Variants in NVL observed in about 807,000 individuals in gnomAD.
The protein encoded by NVL is nuclear VCP like.
In NVL, 84 loss-of-function variants were observed where a neutral mutation model predicts 110.2. The ratio of observed to expected loss-of-function variants is 0.76; its 90% CI spans 0.64 to 0.91. The LOEUF is 0.91. Ranked by LOEUF, NVL falls within the 40% of genes least tolerant of loss-of-function variation. The probability of loss-of-function intolerance (pLI) is 0.00; values close to 1 mark genes in which losing one functional copy is unlikely to be tolerated. For synonymous variants in NVL, 354 were observed against 361.1 expected, an observed-to-expected ratio of 0.98 and a Z score of 0.22; for missense variants, 882 against 1,035.9, an observed-to-expected ratio of 0.85 and a Z score of 2.04.
intron 22 of NVL, among the ~76,000 whole-genome samples, chr1:224,229,024 G>A (rs1659551422): frequency 6.6e-6 from 1 of 151,852 alleles, no homozygotes. Context: ...GGCCAGGCGT[G>A]GTGGCTCAGG....
At chr1:224,268,005 A>G (rs917085975) in intron 18 of NVL, 29 bp downstream of exon 18, 1 of 1,462,998 alleles carries the variant, frequency 6.8e-7, no homozygotes, top group Non-Finnish European at 9.5e-7. Flanking sequence ...TTTTAGATTC[A>G]TCTGTGTTAC....
chr1:224,273,047 A>AC (rs1360063318), intron 17 of NVL, among the ~76,000 whole-genome samples: 3,034 of 143,638 alleles, frequency 0.021, 144 homozygotes, highest in Admixed American at 0.064. Context: ...AAAAAACAAA[A>AC]AAAACAAACA....
At chr1:224,245,104 A>G (rs1182582649) in intron 19 of NVL, among the ~76,000 whole-genome samples, 4 of 152,202 alleles carry the variant, frequency 2.6e-5, no homozygotes, top group Non-Finnish European at 4.4e-5. Flanking sequence ...ATCTCCTTAT[A>G]ATATTTCAGA....
intron 2 of NVL, 57 bp from the exon 3 acceptor site, chr1:224,317,987 A>T: frequency 2.5e-6 from 3 of 1,189,630 alleles, no homozygotes; most frequent in Non-Finnish European, 3.6e-6. Flanking sequence ...TTTTTCCATT[A>T]AGTTCAATCT....
chr1:224,254,526 G>A (rs1367102700), intron 18 of NVL, among the ~76,000 whole-genome samples: 15 of 150,882 alleles, frequency 9.9e-5, no homozygotes, highest in South Asian at 6.3e-4. Context: ...CCAAGTAGCT[G>A]GGATTACAGG....
chr1:224,287,983 T>C lies in NVL; in HGVS notation c.1586A>G (p.Gln529Arg). The C allele has an allele frequency of 6.2e-7, 1 of 1,612,970 alleles. No individual in the cohort carries two copies. The highest frequency in any genetic ancestry group is 8.5e-7 in the Non-Finnish European group (1 of 1,179,820). The stretch of plus-strand genomic sequence containing the variant: ...GTCTCTTAGCAACCCCAGCAGCCTT[T>C]GTAATTCATCCTTGAAGGGAACAAT... ...EPTSETQDEL[Q>R]RLLGLLRDQD... The change falls in exon 14 of 23, where the codon CAA becomes CGA. Residue 529 changes from glutamine (Q) to arginine (R), a missense_variant. Physicochemically the swap from Gln to Arg is conservative, Grantham distance 43 (BLOSUM62 1). Around this residue, in one of 4 missense-constraint regions of NVL, gnomAD observed 416 missense variants for 499.3 expected, o/e 0.83. Transcript: ENST00000281701.
chr1:224,315,110 CAG>C (rs1669945067), intron 4 of NVL, among the ~76,000 whole-genome samples: 1 of 150,986 alleles, frequency 6.6e-6, no homozygotes, highest in Non-Finnish European at 1.5e-5. Context: ...GGCTGGAGTG[CAG>C]TGGCATAATT....
rs761611227 is a variant in NVL at position 224,264,244 on chromosome 1, AT to A, written c.2182+3789del. 4.9e-3 allele frequency among the ~76,000 whole-genome samples: 686 copies of A among 139,432 alleles called. 1 individual carries two copies. Among genetic ancestry groups the A allele is most frequent in the African/African-American group, 6.7e-3 (254 of 38,160 alleles). 91.5% of individuals were successfully genotyped at this position (139,432 alleles called of 152,430 possible). On this transcript the variant is annotated intron_variant, in intron 18 of 22. Transcript: ENST00000281701. ...AATTGTGAGCCAAATAAAAATGGTG[AT>A]TTTTTTTTTTTTTTGTGAGATGGAG... is the stretch of plus-strand genomic sequence containing the variant.
chr1:224,236,016 C>A (rs139868129), intron 20 of NVL, among the ~76,000 whole-genome samples: 24 of 152,056 alleles, frequency 1.6e-4, no homozygotes, highest in African/African-American at 5.1e-4. Flanking sequence ...CATTTCCTCC[C>A]TCTGTGTCCC....
At chr1:224,254,184 C>G (rs897721576) in intron 18 of NVL, among the ~76,000 whole-genome samples, 1 of 150,494 alleles carries the variant, frequency 6.6e-6, no homozygotes, top group East Asian at 2.0e-4. Flanking sequence ...CTCTGCCTCC[C>G]GGGTTCAAGT....
intron 10 of NVL, among the ~76,000 whole-genome samples, chr1:224,298,091 C>A (rs570716068): frequency 6.6e-6 from 1 of 151,504 alleles, no homozygotes; most frequent in Non-Finnish European, 1.5e-5. Context: ...GTAATCCCAG[C>A]TATTTGGGAG....
At chr1:224,290,527 C>T (rs1057202877) in intron 12 of NVL, among the ~76,000 whole-genome samples, 1 of 151,606 alleles carries the variant, frequency 6.6e-6, no homozygotes, top group African/African-American at 2.4e-5. Context: ...CATGGCCAGG[C>T]ACAGTGGCTC....
chr1:224,294,238 C>T lies in NVL; in HGVS notation c.1325+29G>A, dbSNP rs1313540263. The T allele has an allele frequency of 5.6e-6, 9 of 1,611,854 alleles. No individual in the cohort carries two copies. The South Asian group carries it at 9.9e-5, about 18-fold the overall frequency. ...CCATTCAGTTAAGATGACTTAGTGG[C>T]ATACAAACTTCATTCTATAAGAATA... On this transcript the variant is annotated intron_variant, in intron 12 of 22. Coordinates refer to ENST00000281701, the MANE Select transcript of NVL (RefSeq NM_002533.4).
chr1:224,296,459 A>G (rs746798562), intron 11 of NVL, 42 bp downstream of exon 11: 1 of 1,068,018 alleles, frequency 9.4e-7, no homozygotes, highest in South Asian at 1.7e-5. Flanking sequence ...ACTATTTTAA[A>G]AAATTTATTC....
intron 14 of NVL, 115 bp downstream of exon 14, chr1:224,287,660 A>G: frequency 1.3e-6 from 1 of 743,738 alleles, no homozygotes; most frequent in Non-Finnish European, 2.2e-6. Context: ...CAAGTTAGAC[A>G]CAGTGATTAT....
intron 9 of NVL, chr1:224,301,709 A>G (rs73130464): frequency 0.055 from 18,835 of 342,150 alleles, 671 homozygotes; most frequent in East Asian, 0.099. Flanking sequence ...CTGAGGCAGG[A>G]GGATCATTTG....
intron 16 of NVL, among the ~76,000 whole-genome samples, chr1:224,277,094 T>C (rs1665850419): frequency 1.3e-5 from 2 of 152,170 alleles, no homozygotes; most frequent in Admixed American, 6.5e-5. Context: ...TTTGAGCTCT[T>C]CTACCTTCAC....
intron 17 of NVL, among the ~76,000 whole-genome samples, chr1:224,272,022 C>A (rs1210781308): frequency 1.3e-5 from 2 of 149,578 alleles, no homozygotes; most frequent in African/African-American, 4.9e-5. Flanking sequence ...TCAAAAAAAA[C>A]AGAATGCATT....
At chr1:224,281,962 A>T (rs1666390121) in intron 15 of NVL, among the ~76,000 whole-genome samples, 4 of 151,908 alleles carry the variant, frequency 2.6e-5, no homozygotes, top group African/African-American at 9.7e-5. Context: ...CAAAAAAAAA[A>T]AAAAAGGAAA....
Sources: gnomAD v4.1 joint callset for allele counts (sites outside exome capture counted in the v4.1 genomes callset) on GRCh38, gnomAD v4.1.1 for gene constraint, gnomAD v4.1.1 regional missense constraint, MANE v1.5 for transcripts, NCBI Gene and HGNC (gene_info 2026-07-23, HGNC 2026-07-21) for gene names.